MYO5B: variants seen among roughly 807,000 people sequenced by gnomAD.
The protein encoded by MYO5B is myosin VB, also known as unconventional myosin-Vb.
Under a neutral mutation model 229.3 loss-of-function variants are expected in MYO5B, and 143 were observed. The observed-to-expected ratio is 0.62, with a 90% CI of 0.54 to 0.72. The LOEUF (loss-of-function observed/expected upper bound fraction) is 0.72. MYO5B is among the 30% of genes least tolerant of loss of function. The pLI, the probability that MYO5B is intolerant of heterozygous loss-of-function variation, is 0.00. For synonymous variants in MYO5B, 918 were observed against 885.2 expected, an observed-to-expected ratio of 1.04 and a Z score of -0.66; for missense variants, 2,321 against 2,331.0, an observed-to-expected ratio of 1.00 and a Z score of 0.09.
At chr18:50,056,526 G>A (rs2030554053) in intron 1 of MYO5B, among the ~76,000 whole-genome samples, 1 of 152,100 alleles carries the variant, frequency 6.6e-6, no homozygotes, top group Non-Finnish European at 1.5e-5. Context: ...CATACATCTG[G>A]CTTCTTTGGC....
chr18:49,985,898 C>G (rs149894136), intron 7 of MYO5B, among the ~76,000 whole-genome samples: 3 of 152,174 alleles, frequency 2.0e-5, no homozygotes, highest in Non-Finnish European at 2.9e-5. Context: ...AAGTCTCTCT[C>G]CTTTCTCCAT....
intron 16 of MYO5B, among the ~76,000 whole-genome samples, chr18:49,932,054 C>G (rs1468461479): frequency 1.3e-5 from 2 of 152,200 alleles, no homozygotes; most frequent in East Asian, 3.8e-4. Flanking sequence ...AGCTGGAGGT[C>G]CCTTCTTCTT....
intron 4 of MYO5B, among the ~76,000 whole-genome samples, chr18:50,006,889 A>G (rs1160734372): frequency 1.3e-5 from 2 of 152,214 alleles, no homozygotes; most frequent in African/African-American, 2.4e-5. Context: ...CCTGAGGAGC[A>G]TAATTTGTCA....
At chr18:49,996,918 G>A (rs1205317635) in intron 5 of MYO5B, among the ~76,000 whole-genome samples, 1 of 152,204 alleles carries the variant, frequency 6.6e-6, no homozygotes, top group Non-Finnish European at 1.5e-5. Flanking sequence ...GATTGGTAAG[G>A]TGTACTGGGA....
Position 49,906,568 on chromosome 18 carries a change from G to C in MYO5B, c.2265C>G (p.Tyr755Ter), listed in dbSNP as rs1285938277. Reference sequence around the variant, plus strand: ...ACTTGTCAGCCCGCAGCTTCTCCAGGTAGGCCACCTGGCCTGCTCGAAAGA... The same window carrying C: ...ACTTGTCAGCCCGCAGCTTCTCCAGCTAGGCCACCTGGCCTGCTCGAAAGA... ...KIFFRAGQVAYLEKLRADKFR... is the reference protein window; with the variant it reads ...KIFFRAGQVA The change falls in exon 19 of 40, where the codon TAC becomes TAG. Residue 755 changes from tyrosine to a stop codon, truncating the protein, a stop_gained. Transcript: ENST00000285039. LOFTEE classifies it high-confidence loss of function. 6.2e-7 allele frequency: 1 copy of C among 1,614,168 alleles called. No homozygotes were observed.
chr18:50,126,860 T>C (rs1599040590), intron 1 of MYO5B, among the ~76,000 whole-genome samples: 1 of 152,232 alleles, frequency 6.6e-6, no homozygotes, highest in African/African-American at 2.4e-5. Context: ...GGCAAGTTAC[T>C]AGATCTCTGA....
At chr18:49,916,449 C>T in intron 17 of MYO5B, among the ~76,000 whole-genome samples, 1 of 152,224 alleles carries the variant, frequency 6.6e-6, no homozygotes, top group East Asian at 1.9e-4. Flanking sequence ...CATACAAGCA[C>T]CACAGGGCTT....
chr18:50,157,571 C>A (rs534659708), intron 1 of MYO5B, among the ~76,000 whole-genome samples: 2 of 152,322 alleles, frequency 1.3e-5, no homozygotes, highest in South Asian at 2.1e-4. Flanking sequence ...TCAGCTCCAG[C>A]CACATTTCTC....
chr18:49,837,806 A>G lies in MYO5B; in HGVS notation c.4853-4T>C. ...TCATTTTCCAACATGGCAGAAACTGAAATAAAAGCACAGTTAGAGAAGCTT... is the reference window on the plus strand; with the variant it reads ...TCATTTTCCAACATGGCAGAAACTGGAATAAAAGCACAGTTAGAGAAGCTT... On this transcript the variant is annotated splice_polypyrimidine_tract_variant and splice_region_variant and intron_variant, in intron 36 of 39. Transcript: ENST00000285039. The G allele has an allele frequency of 6.2e-7, 1 of 1,613,974 alleles. No individual in the cohort carries two copies.
intron 11 of MYO5B, 64 bp from the exon 12 acceptor site, chr18:49,962,470 G>C: frequency 3.1e-6 from 5 of 1,608,376 alleles, no homozygotes; most frequent in Non-Finnish European, 3.4e-6. Flanking sequence ...ACCTCCCCCA[G>C]GGGCTCAGTG....
rs542717251 is a variant in MYO5B at position 49,932,441 on chromosome 18, C to T, written c.2004-2843G>A. On this transcript the variant is annotated intron_variant, in intron 16 of 39. Transcript: ENST00000285039. ...CCTCTTCGTGACCAGCTCAGCAAAT[C>T]CCCTCCCTTTGCCACACCTGTTCTG... Among the ~76,000 whole-genome samples the T allele has an allele frequency of 5.9e-5, 9 of 152,304 alleles. 1 individual carries two copies. Among genetic ancestry groups the T allele is most frequent in the African/African-American group, 1.9e-4 (8 of 41,568 alleles).
intron 10 of MYO5B, 116 bp from the exon 11 acceptor site, chr18:49,963,146 G>C: frequency 1.2e-6 from 1 of 804,030 alleles, no homozygotes. Flanking sequence ...AATCCCCATT[G>C]TCTCATCTTG....
intron 1 of MYO5B, among the ~76,000 whole-genome samples, chr18:50,162,553 T>C (rs1004239819): frequency 6.6e-6 from 1 of 152,208 alleles, no homozygotes; most frequent in Non-Finnish European, 1.5e-5. Context: ...CTGTAACTGA[T>C]GAGGGGAGAG....
chr18:50,160,287 G>T (rs1040592211), intron 1 of MYO5B, among the ~76,000 whole-genome samples: 1 of 152,198 alleles, frequency 6.6e-6, no homozygotes, highest in African/African-American at 2.4e-5. Context: ...AGAGGGCAAG[G>T]CTGTGGAGCA....
At chr18:50,026,931 T>G (rs1046210126) in intron 4 of MYO5B, among the ~76,000 whole-genome samples, 14 of 152,234 alleles carry the variant, frequency 9.2e-5, no homozygotes, top group Non-Finnish European at 1.0e-4. Flanking sequence ...TTTTAAGAAC[T>G]TAAGCCAGTC....
At chr18:49,886,477 C>G (rs1332182295) in intron 22 of MYO5B, among the ~76,000 whole-genome samples, 1 of 151,986 alleles carries the variant, frequency 6.6e-6, no homozygotes, top group East Asian at 1.9e-4. Flanking sequence ...CTCCTCACCC[C>G]ACAAGTAAAT....
chr18:49,882,387 TGA>T (rs1378742391), intron 22 of MYO5B, among the ~76,000 whole-genome samples: 1 of 151,674 alleles, frequency 6.6e-6, no homozygotes, highest in African/African-American at 2.4e-5. Flanking sequence ...CCCAGCATTT[TGA>T]GAGACTGAGG....
Position 49,904,733 on chromosome 18 carries a change from C to T in MYO5B, c.2510G>A (p.Arg837Lys), listed in dbSNP as rs200591873. 6.2e-7 allele frequency: 1 copy of T among 1,614,086 alleles called. No individual in the cohort carries two copies. Among genetic ancestry groups the T allele is most frequent in the Non-Finnish European group, 8.5e-7 (1 of 1,180,050 alleles). Reference sequence around the variant, plus strand: ...GAAGGCCTGGATAACAACGGCAGCTCTGCGGACCCTCTGGTAGGCCTGGCG... The same window carrying T: ...GAAGGCCTGGATAACAACGGCAGCTTTGCGGACCCTCTGGTAGGCCTGGCG... ...RARQAYQRVR[R>K]AAVVIQAFTR... is the part of the protein sequence containing the mutation. Residue 837 changes from arginine to lysine, a missense_variant, in exon 20 of 40, where the codon AGA becomes AAA. Physicochemically the swap from Arg to Lys is conservative, Grantham distance 26. Transcript: ENST00000285039.
At chr18:50,002,034 T>TC (rs1296137001) in intron 4 of MYO5B, among the ~76,000 whole-genome samples, 1 of 10,772 alleles carries the variant, frequency 9.3e-5, no homozygotes, top group Non-Finnish European at 2.7e-4. Context: ...AAACTCCGTC[T>TC]CAAAAAAAAA....
Sources: allele counts gnomAD v4.1 joint callset (sites outside exome capture counted in the v4.1 genomes callset), GRCh38; gene constraint gnomAD v4.1.1; transcripts MANE v1.5; gene names NCBI Gene and HGNC (gene_info 2026-07-23, HGNC 2026-07-21).